P4HA1: variants seen among roughly 807,000 people sequenced by gnomAD.
P4HA1 encodes the protein prolyl 4-hydroxylase subunit alpha-1.
In P4HA1, 24 loss-of-function variants were observed where a neutral mutation model predicts 72.8. The ratio of observed to expected loss-of-function variants is 0.33; its 90% CI spans 0.24 to 0.46. The LOEUF (loss-of-function observed/expected upper bound fraction) is 0.46. Among genes scored for constraint, P4HA1 ranks in the 20% least tolerant of loss-of-function variants. The pLI is 1.00. For missense variants in P4HA1, 446 were observed against 640.6 expected, an observed-to-expected ratio of 0.70 and a Z score of 3.28; for synonymous variants, 201 against 218.8, an observed-to-expected ratio of 0.92 and a Z score of 0.72.
chr10:73,072,851 A>AGAAGATAT (rs1488850348), intron 3 of P4HA1, among the ~76,000 whole-genome samples: 2 of 152,182 alleles, frequency 1.3e-5, no homozygotes, highest in Non-Finnish European at 2.9e-5. Flanking sequence ...AGAAGAGGAT[A>AGAAGATAT]GAAGATATTA....
chr10:73,041,317 G>A (rs1288050201), intron 9 of P4HA1, among the ~76,000 whole-genome samples: 3 of 152,058 alleles, frequency 2.0e-5, no homozygotes, highest in Admixed American at 2.0e-4. Flanking sequence ...GGCCGAGGCA[G>A]GCGGGTCACG....
chr10:73,056,321 T>C (rs1336053846), intron 5 of P4HA1, among the ~76,000 whole-genome samples: 1 of 152,064 alleles, frequency 6.6e-6, no homozygotes, highest in African/African-American at 2.4e-5. Flanking sequence ...AATTTAAAAA[T>C]AGAAAATATG....
intron 9 of P4HA1, among the ~76,000 whole-genome samples, chr10:73,043,440 C>A (rs184303471): frequency 1.4e-4 from 21 of 152,246 alleles, no homozygotes; most frequent in Non-Finnish European, 2.9e-4. Flanking sequence ...CAACTAATAA[C>A]CTAATAAGAT....
chr10:73,020,732 G>A (rs1052756490), intron 10 of P4HA1, among the ~76,000 whole-genome samples: 3 of 152,114 alleles, frequency 2.0e-5, no homozygotes, highest in Non-Finnish European at 4.4e-5. Flanking sequence ...TAATCAATTA[G>A]GCTTTATTTG....
intron 9 of P4HA1, among the ~76,000 whole-genome samples, chr10:73,044,408 A>T (rs60857017): frequency 0.052 from 7,967 of 152,250 alleles, 662 homozygotes; most frequent in African/African-American, 0.18. Flanking sequence ...TTTTTGGAAG[A>T]CAGAGCTCAG....
rs1840453182 is a variant in P4HA1 at position 73,032,453 on chromosome 10, T to C, written c.1149-2083A>G. Among the ~76,000 whole-genome samples, 3 of 152,212 alleles carry C rather than the reference T, an allele frequency of 2.0e-5. No individual in the cohort carries two copies. In the South Asian group the frequency reaches 6.2e-4, roughly 32 times the overall value. On this transcript the variant is annotated intron_variant, in intron 9 of 14. Transcript: ENST00000394890. The stretch of plus-strand genomic sequence containing the variant: ...ACATTTGTGACAATACTCATCCTTT[T>C]GGAAACTCTCTCAAACACTCATTCT...
intron 12 of P4HA1, among the ~76,000 whole-genome samples, chr10:73,011,464 C>G (rs574984000): frequency 6.6e-6 from 1 of 152,110 alleles, no homozygotes; most frequent in African/African-American, 2.4e-5. Context: ...AATAGTACCT[C>G]AAGAACAGTA....
At chr10:73,086,933 C>CAAAAAAAAAAAAAAAAAAAAAAAAAA (rs59200288) in intron 1 of P4HA1, among the ~76,000 whole-genome samples, 1 of 33,098 alleles carries the variant, frequency 3.0e-5, no homozygotes, top group Non-Finnish European at 7.7e-5. Context: ...GAGTGCATCT[C>CAAAAAAAAAAAAAAAAAAAAAAAAAA]AAAAAAAAAA....
intron 6 of P4HA1, among the ~76,000 whole-genome samples, chr10:73,051,516 TTGGGAGAC>T (rs1258559191): frequency 5.9e-5 from 9 of 152,110 alleles, no homozygotes; most frequent in African/African-American, 2.4e-5. Flanking sequence ...TCCCAGCATT[TTGGGAGAC>T]TGAGGTGGGT....
intron 9 of P4HA1, among the ~76,000 whole-genome samples, chr10:73,035,568 G>T (rs1366273503): frequency 6.6e-6 from 1 of 152,112 alleles, no homozygotes; most frequent in African/African-American, 2.4e-5. Flanking sequence ...GAATGGCCAT[G>T]AAAGTCTACC....
In P4HA1 at chr10:73,016,847, C is replaced by T. The variant is rs199792545; in HGVS notation, c.1301G>A (p.Arg434Gln). Residue 434 changes from arginine (R) to glutamine (Q), a missense_variant and splice_region_variant, in exon 11 of 15, where the codon CGG becomes CAG. Arg to Gln is a conservative substitution (Grantham distance 43). Transcript: ENST00000394890. ...GQYEPHFDFA[R>Q]KDEPDAFKEL... ...TTTCTCCATTTCTTTTTCACTTACC[C>T]GTGCAAAGTCAAAATGGGGTTCATA... The T allele has an allele frequency of 2.7e-5, 44 of 1,604,766 alleles. No homozygotes were observed. Among genetic ancestry groups the T allele is most frequent in the Non-Finnish European group, 3.4e-5 (40 of 1,172,006 alleles).
chr10:73,022,311 A>G (rs1840155179), intron 10 of P4HA1, among the ~76,000 whole-genome samples: 1 of 152,194 alleles, frequency 6.6e-6, no homozygotes, highest in East Asian at 1.9e-4. Context: ...TCAGGCAGCA[A>G]TATTTGCTGT....
chr10:73,075,346 T>C (rs559042788), intron 1 of P4HA1, among the ~76,000 whole-genome samples: 1 of 152,242 alleles, frequency 6.6e-6, no homozygotes, highest in African/African-American at 2.4e-5. Flanking sequence ...TGGCCTCAAG[T>C]TATCCACCCG....
intron 12 of P4HA1, among the ~76,000 whole-genome samples, chr10:73,012,036 C>A (rs1272087599): frequency 6.6e-6 from 1 of 152,038 alleles, no homozygotes; most frequent in Non-Finnish European, 1.5e-5. Flanking sequence ...ATTCTATGTG[C>A]CCCTCTGGGA....
intron 10 of P4HA1, among the ~76,000 whole-genome samples, chr10:73,027,838 A>AAGGGAGGGAGAGAGGAGGGGAGGGAGGG (rs1840324270): frequency 8.8e-6 from 1 of 113,480 alleles, no homozygotes; most frequent in Non-Finnish European, 1.7e-5. Flanking sequence ...GAGAGGAAGG[A>AAGGGAGGGAGAGAGGAGGGGAGGGAGGG]AGGGAGGGAG....
chr10:73,046,361 A>G (rs987729735), intron 8 of P4HA1, among the ~76,000 whole-genome samples: 1 of 152,190 alleles, frequency 6.6e-6, no homozygotes, highest in Non-Finnish European at 1.5e-5. Flanking sequence ...CATTCTCACT[A>G]AAGAGTTTTT....
At chr10:73,028,345 C>CACACACACACAA (rs34854861) in intron 10 of P4HA1, among the ~76,000 whole-genome samples, 10 of 146,048 alleles carry the variant, frequency 6.8e-5, no homozygotes, top group African/African-American at 2.6e-4. Context: ...CACACACACA[C>CACACACACACAA]AAAATACATT....
intron 9 of P4HA1, among the ~76,000 whole-genome samples, chr10:73,040,371 T>C (rs1840703104): frequency 6.6e-6 from 1 of 152,168 alleles, no homozygotes. Context: ...TTTGATTTAT[T>C]GGCAACAGTC....
chr10:73,040,316 GTTTTT>G (rs917719370), intron 9 of P4HA1, among the ~76,000 whole-genome samples: 1 of 145,998 alleles, frequency 6.8e-6, no homozygotes, highest in African/African-American at 2.5e-5. Context: ...GCAATATTTA[GTTTTT>G]TTTTTTAAGT....
Sources: gnomAD v4.1 joint callset for allele counts (sites outside exome capture counted in the v4.1 genomes callset) on GRCh38, gnomAD v4.1.1 for gene constraint, MANE v1.5 for transcripts, NCBI Gene and HGNC (gene_info 2026-07-23, HGNC 2026-07-21) for gene names.